Variants in SLC10A7 observed in about 807,000 individuals in gnomAD.
SLC10A7 encodes the protein solute carrier family 10 member 7.
A neutral mutation model predicts 43.2 loss-of-function variants in SLC10A7; 29 were observed. The observed-to-expected ratio is 0.67, with a 90% CI of 0.50 to 0.92. SLC10A7 has a LOEUF of 0.92. SLC10A7 is among the 40% of genes least tolerant of loss of function. The probability of loss-of-function intolerance (pLI) is 0.00; values close to 1 mark genes in which losing one functional copy is unlikely to be tolerated. For missense variants in SLC10A7, 295 were observed against 403.2 expected (o/e 0.73, Z 2.30); for synonymous variants, 152 against 144.8 (o/e 1.05, Z -0.35).
At chr4:146,455,290 T>C (rs987302460) in intron 4 of SLC10A7, among the ~76,000 whole-genome samples, 2 of 151,804 alleles carry the variant, frequency 1.3e-5, no homozygotes, top group Non-Finnish European at 2.9e-5. Flanking sequence ...TATCTCCTAG[T>C]GAAATACAAC....
Position 146,521,783 on chromosome 4 carries a change from T to A in SLC10A7, c.-66A>T. 1 of 1,315,456 alleles carries A rather than the reference T, an allele frequency of 7.6e-7. No homozygotes were observed. Among genetic ancestry groups the A allele is most frequent in the South Asian group, 1.2e-5 (1 of 83,884 alleles). The allele number at this position is 1,315,456 out of a possible 1,614,324, so 81.5% of individuals were successfully genotyped here. ...TTTTTCTTTTCAAGCTCCGATCACC[T>A]AATCCTTGGAGCGTCTCCACACTTT... On this transcript the variant is annotated 5_prime_UTR_variant, in exon 1 of 12. Coordinates refer to ENST00000335472, the MANE Select transcript of SLC10A7 (RefSeq NM_001029998.6).
Position 146,292,172 on chromosome 4 carries a change from T to C in SLC10A7, c.773+757A>G, listed in dbSNP as rs138005984. On this transcript the variant is annotated intron_variant, in intron 9 of 11. Coordinates refer to ENST00000335472, the MANE Select transcript of SLC10A7 (RefSeq NM_001029998.6). Reference sequence around the variant, plus strand: ...AGACTGGAAAATAGACTAGAGTACCTTGTCCCCCAAAATAAACTTCATTCT... The same window carrying C: ...AGACTGGAAAATAGACTAGAGTACCCTGTCCCCCAAAATAAACTTCATTCT... Among the ~76,000 whole-genome samples the C allele has an allele frequency of 4.5e-3, 678 of 152,292 alleles. 5 individuals are homozygous for C. Among genetic ancestry groups the C allele is most frequent in the Admixed American group, 0.011 (162 of 15,294 alleles).
At chr4:146,383,054 G>T (rs1260025371) in intron 5 of SLC10A7, among the ~76,000 whole-genome samples, 1 of 151,978 alleles carries the variant, frequency 6.6e-6, no homozygotes, top group Non-Finnish European at 1.5e-5. Context: ...CTGAAAGCTC[G>T]ATTTGTCTCC....
chr4:146,392,439 G>C (rs945826211), intron 5 of SLC10A7, among the ~76,000 whole-genome samples: 6 of 152,088 alleles, frequency 3.9e-5, no homozygotes, highest in Non-Finnish European at 7.4e-5. Context: ...ATATGTATGT[G>C]TATATATGTG....
chr4:146,406,218 C>A (rs1295818117), intron 5 of SLC10A7, among the ~76,000 whole-genome samples: 4 of 152,052 alleles, frequency 2.6e-5, no homozygotes, highest in Non-Finnish European at 5.9e-5. Context: ...AATTAAAAAA[C>A]CAAGAAAATC....
rs1727836437 is a variant in SLC10A7, at chr4:146,255,353, C to T, written c.*1138G>A. The T allele has an allele frequency of 6.6e-6, 1 of 152,564 alleles. No individual in the cohort carries two copies. 9.5% of individuals were successfully genotyped at this position (152,564 alleles called of 1,614,324 possible). ...TGGTTATTAAATGGTTTTGCATGTT[C>T]TTTTCATCTGGAGAGACAGAATGTG... is the stretch of plus-strand genomic sequence containing the variant. On this transcript the variant is annotated 3_prime_UTR_variant, in exon 12 of 12. Coordinates refer to ENST00000335472, the MANE Select transcript of SLC10A7 (RefSeq NM_001029998.6).
chr4:146,302,598 T>C (rs1560778802), intron 7 of SLC10A7, among the ~76,000 whole-genome samples: 1 of 151,492 alleles, frequency 6.6e-6, no homozygotes, highest in Non-Finnish European at 1.5e-5. Flanking sequence ...CATTAAAGAG[T>C]CAAATGAGAA....
In SLC10A7 at chr4:146,395,775, CTTTG is replaced by C. The variant is rs762641991; in HGVS notation, c.435+47004_435+47007del. Among the ~76,000 whole-genome samples, 178 of 152,216 alleles carry C rather than the reference CTTTG, an allele frequency of 1.2e-3. 1 individual carries two copies. The highest frequency in any genetic ancestry group is 3.4e-3 in the Middle Eastern group (1 of 294). ...ATGTCTTGCTAGAGGAGTGTTACTACTTTGTTTGTTCAATATTTCAATATATTTT... is the reference window on the plus strand; with the variant it reads ...ATGTCTTGCTAGAGGAGTGTTACTACTTTGTTCAATATTTCAATATATTTT... On this transcript the variant is annotated intron_variant, in intron 5 of 11. Coordinates refer to ENST00000335472, the MANE Select transcript of SLC10A7 (RefSeq NM_001029998.6).
intron 4 of SLC10A7, among the ~76,000 whole-genome samples, chr4:146,448,177 C>A (rs941446793): frequency 6.6e-6 from 1 of 151,518 alleles, no homozygotes; most frequent in African/African-American, 2.4e-5. Flanking sequence ...TGTAACAAAC[C>A]TGCACATTGT....
At chr4:146,495,448 A>G (rs1735796884) in intron 4 of SLC10A7, among the ~76,000 whole-genome samples, 2 of 152,182 alleles carry the variant, frequency 1.3e-5, no homozygotes, top group South Asian at 4.1e-4. Flanking sequence ...CAACTCCCCA[A>G]TGATAATGCA....
chr4:146,301,547 G>A (rs1731162267), intron 7 of SLC10A7, among the ~76,000 whole-genome samples: 1 of 152,170 alleles, frequency 6.6e-6, no homozygotes, highest in South Asian at 2.1e-4. Context: ...CATTAGATGG[G>A]AATTGGAAGA....
intron 10 of SLC10A7, among the ~76,000 whole-genome samples, chr4:146,281,767 G>A (rs1246767696): frequency 6.6e-6 from 1 of 152,052 alleles, no homozygotes; most frequent in Non-Finnish European, 1.5e-5. Flanking sequence ...CCTTGGGAGT[G>A]GTAACATAGT....
intron 5 of SLC10A7, among the ~76,000 whole-genome samples, chr4:146,418,160 T>G (rs1479605666): frequency 6.6e-6 from 1 of 152,160 alleles, no homozygotes. Flanking sequence ...GCGCTCTTCT[T>G]CCTAAGCTTC....
chr4:146,345,436 C>T (rs1474204220), intron 5 of SLC10A7, among the ~76,000 whole-genome samples: 1 of 152,154 alleles, frequency 6.6e-6, no homozygotes, highest in African/African-American at 2.4e-5. Flanking sequence ...GTATTATCTG[C>T]TCCTGCCTAC....
intron 4 of SLC10A7, among the ~76,000 whole-genome samples, chr4:146,464,631 G>C (rs897740981): frequency 6.6e-6 from 1 of 151,476 alleles, no homozygotes; most frequent in South Asian, 2.1e-4. Flanking sequence ...GTGATAATGT[G>C]AGCCTAATCC....
At chr4:146,329,656 G>C (rs1462610778) in intron 5 of SLC10A7, among the ~76,000 whole-genome samples, 1 of 152,110 alleles carries the variant, frequency 6.6e-6, no homozygotes, top group African/African-American at 2.4e-5. Context: ...AATCTGAGAG[G>C]AGTTTCAGGC....
intron 4 of SLC10A7, among the ~76,000 whole-genome samples, chr4:146,490,804 A>T (rs796836773): frequency 3.9e-5 from 6 of 152,338 alleles, no homozygotes; most frequent in African/African-American, 1.2e-4. Context: ...TACATGAAAG[A>T]ATCCTGGAAT....
At chr4:146,451,220 A>C (rs1731559488) in intron 4 of SLC10A7, among the ~76,000 whole-genome samples, 1 of 138,692 alleles carries the variant, frequency 7.2e-6, no homozygotes, top group South Asian at 2.5e-4. Flanking sequence ...GCTGAATCAG[A>C]AGTCTCCCAC....
chr4:146,384,541 T>C (rs969737530), intron 5 of SLC10A7, among the ~76,000 whole-genome samples: 1 of 152,112 alleles, frequency 6.6e-6, no homozygotes, highest in Non-Finnish European at 1.5e-5. Flanking sequence ...ATAAACTAAA[T>C]ACATGAACTA....
Sources: allele counts gnomAD v4.1 joint callset (sites outside exome capture counted in the v4.1 genomes callset), GRCh38; gene constraint gnomAD v4.1.1; transcripts MANE v1.5; gene names NCBI Gene and HGNC (gene_info 2026-07-23, HGNC 2026-07-21).